Variants in RUFY3 observed in about 807,000 individuals in gnomAD.
RUFY3 encodes RUN and FYVE domain containing 3, also known as protein RUFY3.
RUFY3 carries 34 observed loss-of-function variants against 84.0 expected under a neutral mutation model. That is an observed-to-expected ratio of 0.40 (90% CI 0.31 to 0.54). The LOEUF is 0.54. Ranked by LOEUF, RUFY3 falls within the 20% of genes least tolerant of loss-of-function variation. The pLI is 0.39. For synonymous variants in RUFY3, 242 were observed against 252.9 expected (o/e 0.96, Z 0.41); for missense variants, 507 against 736.8 (o/e 0.69, Z 3.61).
At chr4:70,774,939 T>C (rs1727672579) in intron 6 of RUFY3, among the ~76,000 whole-genome samples, 1 of 152,018 alleles carries the variant, frequency 6.6e-6, no homozygotes, top group Admixed American at 6.6e-5. Context: ...CTGAGGTTTG[T>C]AAGCTATAAC....
chr4:70,748,493 T>C (rs961389844), intron 1 of RUFY3, among the ~76,000 whole-genome samples: 1 of 152,244 alleles, frequency 6.6e-6, no homozygotes, highest in African/African-American at 2.4e-5. Flanking sequence ...GGAGTTAAAC[T>C]AAGGACAGTG....
rs781701029 is a variant in RUFY3, at chr4:70,800,177, C to A, written c.1594C>A (p.Leu532Ile). ...KHKMQEENVK[L>I]KKPLEESHRL... ...CAAAATGCAAGAGGAAAATGTTAAACTAAAAAAGCCCCTGGAAGAAAGCCA... is the reference window on the plus strand; with the variant it reads ...CAAAATGCAAGAGGAAAATGTTAAAATAAAAAAGCCCCTGGAAGAAAGCCA... Residue 532 changes from leucine (L) to isoleucine (I), a missense_variant, in exon 15 of 18, where the codon CTA becomes ATA. Coordinates refer to ENST00000381006, the MANE Select transcript of RUFY3 (RefSeq NM_001037442.4). 3 of 1,606,358 alleles carry A rather than the reference C, an allele frequency of 1.9e-6. No individual in the cohort carries two copies. In the Admixed American group the frequency reaches 5.2e-5, roughly 28 times the overall value.
At chr4:70,739,946 G>A (rs775781738) in intron 1 of RUFY3, among the ~76,000 whole-genome samples, 3 of 147,352 alleles carry the variant, frequency 2.0e-5, no homozygotes, top group Non-Finnish European at 4.5e-5. Context: ...AGCTGAGATC[G>A]TGCCACTGCA....
chr4:70,722,259 A>G lies in RUFY3; in HGVS notation c.-315A>G. 6.5e-6 allele frequency: 8 copies of G among 1,232,956 alleles called. No individual in the cohort carries two copies. Among genetic ancestry groups the G allele is most frequent in the Non-Finnish European group, 8.1e-6 (8 of 989,146 alleles). The allele number at this position is 1,232,956 out of a possible 1,614,324, so 76.4% of individuals were successfully genotyped here. ...ATTTAAAGCCTATAGCTCAGCTGAA[A>G]AAAAAGGTGGGGGGCAGGGAAGGGA... On this transcript the variant is annotated 5_prime_UTR_variant, in exon 1 of 18. Transcript: ENST00000381006.
intron 13 of RUFY3, 102 bp from the exon 14 acceptor site, chr4:70,794,693 T>C: frequency 6.7e-6 from 5 of 750,628 alleles, no homozygotes; most frequent in Middle Eastern, 3.6e-4. Flanking sequence ...CCCTTAACCA[T>C]TCGTAATTAC....
intron 1 of RUFY3, among the ~76,000 whole-genome samples, chr4:70,725,820 C>T (rs919711888): frequency 4.6e-5 from 7 of 152,174 alleles, no homozygotes; most frequent in Non-Finnish European, 7.4e-5. Flanking sequence ...TCAAACAGTA[C>T]ACAGTGAGCT....
In RUFY3 at chr4:70,781,106, TA is replaced by T. The variant is rs1418885818; in HGVS notation, c.895-1979del. Among the ~76,000 whole-genome samples the T allele has an allele frequency of 2.0e-5, 3 of 147,130 alleles. No individual in the cohort carries two copies. In the East Asian group the frequency reaches 5.9e-4, roughly 29 times the overall value. ...TCACAAAAAAAAAAAAAAGGGCCAG[TA>T]AAAAAGATAGCAGACCTCTTTTCCC... On this transcript the variant is annotated intron_variant, in intron 8 of 17. Transcript: ENST00000381006.
chr4:70,763,682 T>A lies in RUFY3; in HGVS notation c.470+13T>A. ...TTCCAGGACTTAAGTAAGTCTAAGG[T>A]TGAATTCCATTTCTCAGGAACAGCA... On this transcript the variant is annotated intron_variant, in intron 3 of 17. Coordinates refer to ENST00000381006, the MANE Select transcript of RUFY3 (RefSeq NM_001037442.4). The A allele has an allele frequency of 6.2e-7, 1 of 1,602,820 alleles. No individual in the cohort carries two copies. The highest frequency in any genetic ancestry group is 8.5e-7 in the Non-Finnish European group (1 of 1,176,474).
chr4:70,787,725 C>T (rs1362355426), intron 10 of RUFY3, among the ~76,000 whole-genome samples: 3 of 151,994 alleles, frequency 2.0e-5, no homozygotes, highest in Admixed American at 1.3e-4. Context: ...GGGTATGATT[C>T]GTTTTCTATA....
intron 1 of RUFY3, among the ~76,000 whole-genome samples, chr4:70,755,754 A>G (rs1248067150): frequency 6.6e-6 from 1 of 152,112 alleles, no homozygotes; most frequent in African/African-American, 2.4e-5. Context: ...GATCAAGACC[A>G]TCCTGGCTAA....
chr4:70,783,015 C>T (rs1328035969), intron 8 of RUFY3, 76 bp from the exon 9 acceptor site: 5 of 842,000 alleles, frequency 5.9e-6, no homozygotes, highest in South Asian at 1.8e-5. Context: ...GAATTACATC[C>T]TAGCAGATCG....
Position 70,794,776 on chromosome 4 carries a change from C to T in RUFY3, c.1458-19C>T. On this transcript the variant is annotated intron_variant, in intron 13 of 17. Transcript: ENST00000381006. ...TAGAATTCCAATTTTTCATCCTTTT[C>T]CTCTCCAACTTACCTCAGGAACCAG... The T allele has an allele frequency of 6.5e-7, 1 of 1,536,330 alleles. No homozygotes were observed. The highest frequency in any genetic ancestry group is 9.0e-7 in the Non-Finnish European group (1 of 1,111,496).
intron 4 of RUFY3, among the ~76,000 whole-genome samples, chr4:70,767,969 G>A (rs1186397186): frequency 3.9e-5 from 6 of 151,984 alleles, no homozygotes; most frequent in Non-Finnish European, 5.9e-5. Flanking sequence ...GTGAGCCACC[G>A]TGCCCAGCCA....
At chr4:70,717,726 A>G (rs1016649908), upstream of RUFY3, among the ~76,000 whole-genome samples, 3 of 152,070 alleles carry the variant, frequency 2.0e-5, no homozygotes. Flanking sequence ...GGAGGTATCT[A>G]GACAGAAGTA....
rs1730890129 is a variant in RUFY3 at position 70,791,915 on chromosome 4, AAAAAG to A, written c.1338-1860_1338-1856del. 7 of 985,568 alleles carry A rather than the reference AAAAAG, an allele frequency of 7.1e-6. No individual in the cohort carries two copies. In the South Asian group the frequency reaches 1.9e-4, roughly 26 times the overall value. The allele number at this position is 985,568 out of a possible 1,614,324, so 61.1% of individuals were successfully genotyped here. A position where few individuals can be genotyped will look rare whatever the true frequency, so the allele number is the denominator to read the frequency against. ...TTTTTGCCTTGGTGACTTTTGAAAA[AAAAAG>A]AAAAGAAAAAGCAGCATCCTTATAT... is the stretch of plus-strand genomic sequence containing the variant. On this transcript the variant is annotated intron_variant, in intron 12 of 17. Transcript: ENST00000381006.
Position 70,722,598 on chromosome 4 carries a change from G to A in RUFY3, c.25G>A (p.Asp9Asn). The A allele has an allele frequency of 2.5e-6, 4 of 1,613,424 alleles. No individual in the cohort carries two copies. The highest frequency in any genetic ancestry group is 3.4e-6 in the Non-Finnish European group (4 of 1,179,902). ...CATGTCTGCTCTGACGCCTCCGACC[G>A]ATATGCCAACCCCCACCACTGACAA... The part of the protein sequence containing the change: MSALTPPT[D>N]MPTPTTDKIT... Residue 9 changes from aspartate (D) to asparagine (N), a missense_variant, in exon 1 of 18, where the codon GAT (aspartate) becomes AAT (asparagine). This residue lies in a region of RUFY3 where 133 missense variants were observed against 301.1 expected (regional missense o/e 0.44). Coordinates refer to ENST00000381006, the MANE Select transcript of RUFY3 (RefSeq NM_001037442.4).
intron 1 of RUFY3, among the ~76,000 whole-genome samples, chr4:70,705,769 G>C (rs757887556): frequency 1.3e-5 from 2 of 152,226 alleles, no homozygotes; most frequent in African/African-American, 2.4e-5. Flanking sequence ...CGCCGCGGCA[G>C]CTGAGTAGGT....
chr4:70,774,670 T>TATATATATATATATAA (rs766227141), intron 6 of RUFY3, among the ~76,000 whole-genome samples: 18 of 81,074 alleles, frequency 2.2e-4, no homozygotes, highest in East Asian at 2.2e-3. Flanking sequence ...TATATATATA[T>TATATATATATATATAA]AAAATAAACA....
At chr4:70,754,226 T>A (rs1723607996) in intron 1 of RUFY3, among the ~76,000 whole-genome samples, 1 of 152,152 alleles carries the variant, frequency 6.6e-6, no homozygotes, top group Non-Finnish European at 1.5e-5. Context: ...CTAACTTTTG[T>A]ACTTTTAGTA....
Sources: allele counts gnomAD v4.1 joint callset (sites outside exome capture counted in the v4.1 genomes callset), GRCh38; gene constraint gnomAD v4.1.1; regional missense constraint gnomAD v4.1.1; transcripts MANE v1.5; gene names NCBI Gene and HGNC (gene_info 2026-07-23, HGNC 2026-07-21).